The following A2ML1 variants were observed in gnomAD, a reference collection of about 807,000 sequenced individuals.
The protein encoded by A2ML1 is alpha-2-macroglobulin-like protein 1.
In A2ML1, 161 loss-of-function variants were observed where a neutral mutation model predicts 181.9. That is an observed-to-expected ratio of 0.89 (90% CI 0.78 to 1.01). The LOEUF is 1.01. Ranked by LOEUF, A2ML1 falls within the 50% of genes least tolerant of loss-of-function variation. The pLI is 0.00. For synonymous variants in A2ML1, 663 were observed against 666.8 expected (o/e 0.99, Z 0.09); for missense variants, 1,670 against 1,768.1 (o/e 0.94, Z 1.00).
At position 8,823,835 on chromosome 12, in the gene A2ML1, G is replaced by T; in HGVS notation, c.362G>T (p.Gly121Val). 6.2e-7 allele frequency: 1 copy of T among 1,614,054 alleles called. No homozygotes were observed. The highest frequency in any genetic ancestry group is 8.5e-7 in the Non-Finnish European group (1 of 1,179,992). ...GTTCTAATTCAGAGGCAGGGGAACG[G>T]CACCTTTGTACAGACTGACAAACCT... is the stretch of plus-strand genomic sequence containing the variant. ...KKVLIQRQGN[G>V]TFVQTDKPLY... Residue 121 changes from glycine to valine, a missense_variant, in exon 3 of 36, where the codon GGC (glycine) becomes GTC (valine). Gly to Val is a moderately radical substitution (Grantham distance 109). Coordinates refer to ENST00000299698, the MANE Select transcript of A2ML1 (RefSeq NM_144670.6).
chr12:8,847,725 G>A, intron 15 of A2ML1, 27 bp downstream of exon 15: 2 of 1,596,968 alleles, frequency 1.3e-6, no homozygotes, highest in Non-Finnish European at 1.7e-6. Flanking sequence ...TGACAGAGTG[G>A]GAGGAGGGAG....
In A2ML1 at chr12:8,854,194, G is replaced by C; in HGVS notation, c.2657G>C (p.Gly886Ala). 6.2e-7 allele frequency: 1 copy of C among 1,609,442 alleles called. No homozygotes were observed. The highest frequency in any genetic ancestry group is 8.5e-7 in the Non-Finnish European group (1 of 1,177,662). Reference protein sequence around the residue: ...DSNEPCGGQKGFVPQKGRSDT... With the variant: ...DSNEPCGGQKAFVPQKGRSDT... ...AATGAACCATGTGGGGGCCAGAAGG[G>C]GTTTGTTCCCCAAAAGGGCCGAAGT... Residue 886 changes from glycine (G) to alanine (A), a missense_variant, in exon 21 of 36, where the codon GGG becomes GCG. Coordinates refer to ENST00000299698, the MANE Select transcript of A2ML1 (RefSeq NM_144670.6).
At chr12:8,831,380 CT>C (rs930410202) in intron 4 of A2ML1, among the ~76,000 whole-genome samples, 7 of 152,180 alleles carry the variant, frequency 4.6e-5, no homozygotes. Flanking sequence ...TTAACTACCC[CT>C]GTTACGATTC....
intron 12 of A2ML1, among the ~76,000 whole-genome samples, chr12:8,844,728 C>T (rs1030969180): frequency 3.3e-5 from 5 of 151,360 alleles, no homozygotes; most frequent in Admixed American, 1.3e-4. Context: ...CCTAATACAA[C>T]GAAAAGAGAA....
chr12:8,849,006 T>A, intron 16 of A2ML1, 92 bp downstream of exon 16: 1 of 1,381,288 alleles, frequency 7.2e-7, no homozygotes, highest in Admixed American at 2.2e-5. Flanking sequence ...GAGAGACTCA[T>A]ATGGGCACTG....
intron 5 of A2ML1, 153 bp from the exon 6 acceptor site, chr12:8,835,354 A>C: frequency 1.3e-6 from 1 of 786,498 alleles, no homozygotes; most frequent in East Asian, 2.6e-5. Context: ...AGTTATAAAT[A>C]ACACAGGGAG....
At chr12:8,845,705 C>A (rs948845876) in intron 13 of A2ML1, among the ~76,000 whole-genome samples, 2 of 151,908 alleles carry the variant, frequency 1.3e-5, no homozygotes, top group Non-Finnish European at 2.9e-5. Context: ...AAAAAATTAG[C>A]CGGACGTCGG....
At chr12:8,827,978 G>A (rs1357534851) in intron 3 of A2ML1, among the ~76,000 whole-genome samples, 1 of 152,184 alleles carries the variant, frequency 6.6e-6, no homozygotes, top group Non-Finnish European at 1.5e-5. Flanking sequence ...CTCTCTTTGT[G>A]CTGAGCTGCC....
At chr12:8,827,378 TTC>T (rs1441873294) in intron 3 of A2ML1, among the ~76,000 whole-genome samples, 14 of 152,160 alleles carry the variant, frequency 9.2e-5, no homozygotes, top group African/African-American at 2.7e-4. Context: ...GTTTGGAAAG[TTC>T]TCTGTTATTT....
rs1205001818 is a variant in A2ML1, at chr12:8,851,855, G to A, written c.2306G>A (p.Cys769Tyr). ...ACCGAGTGGAAGGCGATGAGTTTCT[G>A]CACTTCCCAGTCAAGAGGCTTCGGG... is the stretch of plus-strand genomic sequence containing the variant. ...AITEWKAMSF[C>Y]TSQSRGFGLS... Residue 769 changes from cysteine (C) to tyrosine (Y), a missense_variant, in exon 19 of 36, where the codon TGC becomes TAC. By Grantham distance (194) the Cys-to-Tyr change is radical. Coordinates refer to ENST00000299698, the MANE Select transcript of A2ML1 (RefSeq NM_144670.6). The A allele has an allele frequency of 1.2e-6, 2 of 1,614,208 alleles. No homozygotes were observed. Among genetic ancestry groups the A allele is most frequent in the Non-Finnish European group, 8.5e-7 (1 of 1,180,036 alleles).
chr12:8,840,357 CAAAAA>C (rs11296029), intron 10 of A2ML1, among the ~76,000 whole-genome samples: 1 of 132,878 alleles, frequency 7.5e-6, no homozygotes. Flanking sequence ...GAGACTGTCT[CAAAAA>C]AAAAAAAAAA....
chr12:8,864,319 T>C lies in A2ML1; in HGVS notation c.3717+311T>C, dbSNP rs10219582. On this transcript the variant is annotated intron_variant, in intron 29 of 35. Coordinates refer to ENST00000299698, the MANE Select transcript of A2ML1 (RefSeq NM_144670.6). ...CCTGAGGTCAGGAGTTCGAGACCAGTCTGGCCAACATGATGAAACCCCATC... is the reference window on the plus strand; with the variant it reads ...CCTGAGGTCAGGAGTTCGAGACCAGCCTGGCCAACATGATGAAACCCCATC... Among the ~76,000 whole-genome samples the C allele has an allele frequency of 0.092, 691 of 7,522 alleles. 158 individuals are homozygous for C. The East Asian group carries it at 1, about 11-fold the overall frequency. The allele number at this position is 7,522 out of a possible 152,430, so 4.9% of individuals were successfully genotyped here. A position where few individuals can be genotyped will look rare whatever the true frequency, so the allele number is the denominator to read the frequency against.
intron 35 of A2ML1, among the ~76,000 whole-genome samples, chr12:8,875,278 A>G (rs1944766471): frequency 6.6e-6 from 1 of 151,878 alleles, no homozygotes; most frequent in Non-Finnish European, 1.5e-5. Context: ...GAGTTTCACC[A>G]TGTTGACCAG....
At chr12:8,829,163 G>A (rs933334927) in intron 3 of A2ML1, among the ~76,000 whole-genome samples, 1 of 152,180 alleles carries the variant, frequency 6.6e-6, no homozygotes, top group Admixed American at 6.5e-5. Context: ...TTTTGCGTGG[G>A]CAGTTGTTCA....
rs1016563277 is a variant in A2ML1 at position 8,876,379 on chromosome 12, GA to G, written c.*325del. 3 of 152,152 alleles carry G rather than the reference GA, an allele frequency of 2.0e-5. No homozygotes were observed. Among genetic ancestry groups the G allele is most frequent in the African/African-American group, 7.2e-5 (3 of 41,438 alleles). 9.4% of individuals were successfully genotyped at this position (152,152 alleles called of 1,614,324 possible). On this transcript the variant is annotated 3_prime_UTR_variant, in exon 36 of 36. Coordinates refer to ENST00000299698, the MANE Select transcript of A2ML1 (RefSeq NM_144670.6). ...GTAGAGGGTGAACTAGAGAAGATAA[GA>G]ATGTCTTCCTAGGCCGGATGCGGTG...
exon 8 of A2ML1, chr12:8,886,532 A>G (rs755993489): frequency 6.6e-6 from 1 of 152,270 alleles, no homozygotes; most frequent in Non-Finnish European, 1.5e-5. Flanking sequence ...CTCAGTACAC[A>G]ATTGTGTGGT....
At chr12:8,830,242 G>C (rs970057542) in intron 4 of A2ML1, among the ~76,000 whole-genome samples, 1 of 151,916 alleles carries the variant, frequency 6.6e-6, no homozygotes, top group Non-Finnish European at 1.5e-5. Flanking sequence ...AGTAAAAACA[G>C]GGTTACATCA....
chr12:8,823,517 A>G (rs1942817513), intron 2 of A2ML1, 152 bp downstream of exon 2: 1 of 1,078,020 alleles, frequency 9.3e-7, no homozygotes. Context: ...CCCGGCTATA[A>G]CTCACCCACG....
chr12:8,861,032 C>G, intron 27 of A2ML1, 77 bp downstream of exon 27: 5 of 1,607,540 alleles, frequency 3.1e-6, no homozygotes, highest in Non-Finnish European at 4.3e-6. Flanking sequence ...ATCTTTGTCT[C>G]TAGTCACCCT....
Sources: allele counts gnomAD v4.1 joint callset (sites outside exome capture counted in the v4.1 genomes callset), GRCh38; gene constraint gnomAD v4.1.1; transcripts MANE v1.5; gene names NCBI Gene and HGNC (gene_info 2026-07-23, HGNC 2026-07-21).